The following DLGAP1 variants were observed in gnomAD, a reference collection of about 807,000 sequenced individuals.
The protein encoded by DLGAP1 is disks large-associated protein 1.
Under a neutral mutation model 90.8 loss-of-function variants are expected in DLGAP1, and 11 were observed. The observed-to-expected ratio is 0.12, with a 90% CI of 0.08 to 0.20. The LOEUF (loss-of-function observed/expected upper bound fraction) is 0.20. Among genes scored for constraint, DLGAP1 ranks in the 10% least tolerant of loss-of-function variants. The pLI is 1.00. For synonymous variants in DLGAP1, 558 were observed against 540.7 expected (o/e 1.03, Z -0.44); for missense variants, 1,050 against 1,333.8 (o/e 0.79, Z 3.31).
chr18:3,630,541 G>T (rs990725063), intron 7 of DLGAP1, among the ~76,000 whole-genome samples: 1 of 152,112 alleles, frequency 6.6e-6, no homozygotes, highest in Non-Finnish European at 1.5e-5. Flanking sequence ...TGTCTCTGAA[G>T]AACCCTGGCT....
intron 2 of DLGAP1, among the ~76,000 whole-genome samples, chr18:4,133,423 A>G (rs115010173): frequency 2.0e-5 from 3 of 152,326 alleles, no homozygotes; most frequent in African/African-American, 7.2e-5. Flanking sequence ...TCCCTGCTTA[A>G]AAGCCTTGAA....
intron 1 of DLGAP1, among the ~76,000 whole-genome samples, chr18:4,414,851 A>C (rs2082857448): frequency 6.6e-6 from 1 of 152,154 alleles, no homozygotes; most frequent in Non-Finnish European, 1.5e-5. Flanking sequence ...TGATATTCTT[A>C]TATTTGAATT....
At chr18:4,047,993 C>G (rs1016742333) in intron 2 of DLGAP1, among the ~76,000 whole-genome samples, 3 of 151,986 alleles carry the variant, frequency 2.0e-5, no homozygotes, top group Non-Finnish European at 4.4e-5. Context: ...GAGACGGGGT[C>G]TCACTACACT....
chr18:3,759,254 T>C (rs2063848235), intron 5 of DLGAP1, among the ~76,000 whole-genome samples: 1 of 135,120 alleles, frequency 7.4e-6, no homozygotes, highest in South Asian at 2.5e-4. Flanking sequence ...TATATTGCTC[T>C]GCCAAAAAAA....
chr18:3,699,307 G>C (rs1441425120), intron 7 of DLGAP1, among the ~76,000 whole-genome samples: 1 of 152,096 alleles, frequency 6.6e-6, no homozygotes, highest in East Asian at 1.9e-4. Flanking sequence ...TTTGATGTTG[G>C]TGACTTTCAG....
intron 1 of DLGAP1, among the ~76,000 whole-genome samples, chr18:4,325,199 G>T (rs1260719802): frequency 2.0e-5 from 3 of 151,986 alleles, no homozygotes; most frequent in African/African-American, 7.2e-5. Context: ...AAAATCACTC[G>T]CATTCCTATA....
chr18:3,642,563 T>G (rs16945149), intron 7 of DLGAP1, among the ~76,000 whole-genome samples: 8,004 of 152,240 alleles, frequency 0.053, 492 homozygotes, highest in East Asian at 0.19. Context: ...AGTCCTGCAT[T>G]TGAAACTTTA....
At chr18:3,973,811 G>A (rs1050125063) in intron 3 of DLGAP1, among the ~76,000 whole-genome samples, 1 of 152,218 alleles carries the variant, frequency 6.6e-6, no homozygotes, top group Non-Finnish European at 1.5e-5. Context: ...AGATAATACT[G>A]TAGAGTCATG....
At chr18:3,810,214 T>C (rs2066763282) in intron 5 of DLGAP1, among the ~76,000 whole-genome samples, 2 of 152,162 alleles carry the variant, frequency 1.3e-5, no homozygotes. Context: ...ATGGACTTCA[T>C]TGTCTCAAAA....
intron 7 of DLGAP1, among the ~76,000 whole-genome samples, chr18:3,612,691 T>C (rs1274897105): frequency 6.6e-6 from 1 of 152,230 alleles, no homozygotes; most frequent in East Asian, 1.9e-4. Flanking sequence ...ACCTTTGAAT[T>C]ACAGTTTCAT....
At chr18:4,054,751 T>C (rs73380601) in intron 2 of DLGAP1, among the ~76,000 whole-genome samples, 3,463 of 152,280 alleles carry the variant, frequency 0.023, 128 homozygotes, top group African/African-American at 0.079. Context: ...GGTGGTTAAG[T>C]TTTTAGCCAC....
At chr18:3,891,761 A>C (rs1056648309) in intron 3 of DLGAP1, among the ~76,000 whole-genome samples, 2 of 152,120 alleles carry the variant, frequency 1.3e-5, no homozygotes, top group Non-Finnish European at 2.9e-5. Context: ...GAGATAATAT[A>C]TTTAGTAATT....
intron 1 of DLGAP1, among the ~76,000 whole-genome samples, chr18:4,299,456 G>C (rs2080071432): frequency 6.6e-6 from 1 of 152,122 alleles, no homozygotes; most frequent in African/African-American, 2.4e-5. Context: ...AATTAGAAGA[G>C]TTTCCTCAAT....
chr18:3,957,648 A>T (rs2148976973), intron 3 of DLGAP1, among the ~76,000 whole-genome samples: 1 of 152,318 alleles, frequency 6.6e-6, no homozygotes, highest in African/African-American at 2.4e-5. Flanking sequence ...TTCTGCTTCA[A>T]GATTATTTTA....
intron 7 of DLGAP1, among the ~76,000 whole-genome samples, chr18:3,696,198 T>C (rs1216285067): frequency 6.6e-6 from 1 of 152,202 alleles, no homozygotes; most frequent in African/African-American, 2.4e-5. Flanking sequence ...TTCTTTCTCT[T>C]GCCTGATTGC....
chr18:4,046,089 C>T (rs1568367667), intron 2 of DLGAP1, among the ~76,000 whole-genome samples: 1 of 152,172 alleles, frequency 6.6e-6, no homozygotes, highest in East Asian at 1.9e-4. Flanking sequence ...GTCTGTATGT[C>T]CCCATCTGGC....
chr18:3,548,993 C>T (rs997491896), intron 9 of DLGAP1, among the ~76,000 whole-genome samples: 5 of 152,118 alleles, frequency 3.3e-5, no homozygotes, highest in Admixed American at 1.3e-4. Flanking sequence ...GCCAAGATTG[C>T]GCCACTGCAC....
At chr18:3,978,262 C>A (rs562447313) in intron 3 of DLGAP1, 1 of 413,006 alleles carries the variant, frequency 2.4e-6, no homozygotes, top group Non-Finnish European at 4.7e-6. Flanking sequence ...GAGGTGATGA[C>A]CCTTTTGGTA....
intron 2 of DLGAP1, among the ~76,000 whole-genome samples, chr18:4,009,871 T>G (rs952228148): frequency 1.3e-5 from 2 of 152,180 alleles, no homozygotes; most frequent in Non-Finnish European, 2.9e-5. Context: ...GGATCATGTA[T>G]GGACAGGGAG....
Sources: gnomAD v4.1 joint callset for allele counts (sites outside exome capture counted in the v4.1 genomes callset) on GRCh38, gnomAD v4.1.1 for gene constraint, MANE v1.5 for transcripts, NCBI Gene and HGNC (gene_info 2026-07-23, HGNC 2026-07-21) for gene names.